Variants in U2AF2 observed in about 807,000 individuals in gnomAD.
The protein encoded by U2AF2 is splicing factor U2AF 65 kDa subunit.
U2AF2 carries 6 observed loss-of-function variants against 52.6 expected under a neutral mutation model. That is an observed-to-expected ratio of 0.11 (90% CI 0.06 to 0.23). U2AF2 has a LOEUF of 0.23. Ranked by LOEUF, U2AF2 falls within the 10% of genes least tolerant of loss-of-function variation. The probability of loss-of-function intolerance (pLI) is 1.00; values close to 1 mark genes in which losing one functional copy is unlikely to be tolerated. For missense variants in U2AF2, 222 were observed against 677.1 expected (o/e 0.33, Z 7.46); for synonymous variants, 284 against 258.2 (o/e 1.10, Z -0.96).
Position 55,668,884 on chromosome 19 carries a change from CG to C in U2AF2, c.945+95del. ...GGTCTCCCCTCCTCAGGGGACGGGG[CG>C]GGAGGCGGCCAACCTGAGGCAGTGC... On this transcript the variant is annotated intron_variant, in intron 9 of 11. Coordinates refer to ENST00000308924, the MANE Select transcript of U2AF2 (RefSeq NM_007279.3). The surrounding 1 kb of genome is among the most constrained non-coding windows in gnomAD (Gnocchi z 5.5). The C allele has an allele frequency of 6.5e-7, 1 of 1,544,250 alleles. No homozygotes were observed. Among genetic ancestry groups the C allele is most frequent in the Non-Finnish European group, 8.7e-7 (1 of 1,144,068 alleles).
intron 1 of U2AF2, 115 bp downstream of exon 1, chr19:55,655,268 A>C: frequency 2.5e-6 from 3 of 1,178,510 alleles, no homozygotes; most frequent in East Asian, 2.9e-5. Context: ...GGCGCCCCCC[A>C]ACCCTGGTTC....
rs890776922 is a variant in U2AF2 at position 55,668,317 on chromosome 19, C to G, written c.743-190C>G. 6.6e-6 allele frequency among the ~76,000 whole-genome samples: 1 copy of G among 152,164 alleles called. No individual in the cohort carries two copies. The highest frequency in any genetic ancestry group is 2.4e-5 in the African/African-American group (1 of 41,442). On this transcript the variant is annotated intron_variant, in intron 7 of 11. Transcript: ENST00000308924. The surrounding 1 kb of genome is among the most constrained non-coding windows in gnomAD (Gnocchi z 5.5). ...ATGGTGCGTTCTCCCCGAGGAGCCT[C>G]TGTGTGCCACTGCCCAGGACCCTCA...
chr19:55,657,248 T>C (rs1415248316), intron 1 of U2AF2, among the ~76,000 whole-genome samples: 2 of 152,204 alleles, frequency 1.3e-5, no homozygotes, highest in African/African-American at 2.4e-5. Flanking sequence ...ATGACCACAA[T>C]ACAGTGTTTT....
intron 1 of U2AF2, 75 bp downstream of exon 1, chr19:55,655,228 C>G: frequency 4.0e-6 from 6 of 1,501,158 alleles, no homozygotes; most frequent in Non-Finnish European, 5.4e-6. Context: ...GCCATTTTCT[C>G]CCTCGCTTCC....
Position 55,656,855 on chromosome 19 carries a change from G to T in U2AF2, c.49+1702G>T, listed in dbSNP as rs567171436. On this transcript the variant is annotated intron_variant, in intron 1 of 11. Transcript: ENST00000308924. Reference sequence around the variant, plus strand: ...GATATTTGCAATTGTAAAATTCCATGCTTAGAGAGGAGGGTCTTCCGCTCA... The same window carrying T: ...GATATTTGCAATTGTAAAATTCCATTCTTAGAGAGGAGGGTCTTCCGCTCA... 6.6e-5 allele frequency among the ~76,000 whole-genome samples: 10 copies of T among 152,348 alleles called. No individual in the cohort carries two copies. In the Middle Eastern group the frequency reaches 0.017, roughly 259 times the overall value.
rs371781934 is a variant in U2AF2 at position 55,657,401 on chromosome 19, C to T, written c.50-1809C>T. On this transcript the variant is annotated intron_variant, in intron 1 of 11. Transcript: ENST00000308924. ...GACGGGCCAGCTTCTGTACGTGTCG[C>T]CTTCTGCTTCAGTCCTTTCCTCTGC... 8.5e-5 allele frequency among the ~76,000 whole-genome samples: 13 copies of T among 152,300 alleles called. No homozygotes were observed. The East Asian group carries it at 9.6e-4, about 11-fold the overall frequency.
At chr19:55,669,320 C>T (rs905603041) in intron 10 of U2AF2, 124 bp from the exon 11 acceptor site, 76 of 1,543,670 alleles carry the variant, frequency 4.9e-5, no homozygotes, top group Non-Finnish European at 5.9e-5. Context: ...GGGAGTCGGG[C>T]TTTAGGTGTT....
chr19:55,656,528 C>T (rs1568547100), intron 1 of U2AF2, among the ~76,000 whole-genome samples: 1 of 152,158 alleles, frequency 6.6e-6, no homozygotes, highest in Non-Finnish European at 1.5e-5. Context: ...TTATTATTTT[C>T]TTGTTACCGG....
At chr19:55,662,022 G>A in intron 5 of U2AF2, 1 of 161,012 alleles carries the variant, frequency 6.2e-6, no homozygotes, top group Non-Finnish European at 1.4e-5. Context: ...TCTCTGTCCT[G>A]CTCTCCCTTT....
chr19:55,662,748 C>T (rs1481669015), intron 6 of U2AF2, 130 bp downstream of exon 6: 12 of 760,322 alleles, frequency 1.6e-5, no homozygotes, highest in African/African-American at 5.2e-5. Flanking sequence ...TCCACCCGGT[C>T]GCTGAAGTGA....
chr19:55,655,714 C>T (rs1022659382), intron 1 of U2AF2, among the ~76,000 whole-genome samples: 2 of 152,234 alleles, frequency 1.3e-5, no homozygotes, highest in Admixed American at 1.3e-4. Context: ...TACCCCTTTT[C>T]CTTTTTGCTG....
chr19:55,657,788 G>C (rs1983889424), intron 1 of U2AF2, among the ~76,000 whole-genome samples: 1 of 152,164 alleles, frequency 6.6e-6, no homozygotes, highest in South Asian at 2.1e-4. Flanking sequence ...TTAACTCACT[G>C]ATGTCAGAGT....
chr19:55,663,953 CCTG>C (rs566342193), intron 7 of U2AF2: 63 of 651,078 alleles, frequency 9.7e-5, no homozygotes, highest in African/African-American at 8.6e-4. Context: ...TGAGCTGTCA[CCTG>C]CTGAGGACAC....
chr19:55,673,917 C>T lies in U2AF2; in HGVS notation c.1294-17C>T. 6.2e-7 allele frequency: 1 copy of T among 1,603,518 alleles called. No homozygotes were observed. The highest frequency in any genetic ancestry group is 8.5e-7 in the Non-Finnish European group (1 of 1,173,606). ...GCGTGAGCCTTGTTCACAAACCTGC[C>T]TCTCCTTTCCCCACAGATCTTTGTG... On this transcript the variant is annotated splice_polypyrimidine_tract_variant and intron_variant, in intron 11 of 11. Transcript: ENST00000308924.
intron 1 of U2AF2, among the ~76,000 whole-genome samples, chr19:55,658,175 C>T (rs1027893278): frequency 2.2e-4 from 33 of 152,118 alleles, no homozygotes; most frequent in Non-Finnish European, 3.7e-4. Flanking sequence ...CCAGGAGATG[C>T]GTGTTAACAT....
At chr19:55,664,791 T>G (rs189577959) in intron 7 of U2AF2, among the ~76,000 whole-genome samples, 1 of 152,086 alleles carries the variant, frequency 6.6e-6, no homozygotes, top group East Asian at 1.9e-4. Context: ...GATCTCGGCT[T>G]ACTGCATCCT....
At chr19:55,655,205 T>C (rs745432379) in intron 1 of U2AF2, 52 bp downstream of exon 1, 6 of 1,543,100 alleles carry the variant, frequency 3.9e-6, no homozygotes, top group Non-Finnish European at 5.3e-6. Flanking sequence ...CTCGCGTCGC[T>C]CTTTGCCCCC....
intron 7 of U2AF2, among the ~76,000 whole-genome samples, chr19:55,665,399 G>A (rs971909478): frequency 7.6e-6 from 1 of 131,902 alleles, no homozygotes; most frequent in South Asian, 2.7e-4. Context: ...AGGGATTGGC[G>A]CTGTCCTAAG....
chr19:55,674,078 G>A lies in U2AF2; in HGVS notation c.*10G>A, dbSNP rs758867639. ...CCGGGACTTCTGGTAGAGGCGGCTG[G>A]GGGAGGGTGGGGGCAGGGCTGGCTG... On this transcript the variant is annotated 3_prime_UTR_variant, in exon 12 of 12. Transcript: ENST00000308924. 2.2e-5 allele frequency: 35 copies of A among 1,600,474 alleles called. No homozygotes were observed. Among genetic ancestry groups the A allele is most frequent in the Non-Finnish European group, 2.9e-5 (34 of 1,173,310 alleles).
Sources: gnomAD v4.1 joint callset for allele counts (sites outside exome capture counted in the v4.1 genomes callset) on GRCh38, gnomAD v4.1.1 for gene constraint, Gnocchi (gnomAD v3.1) non-coding constraint, MANE v1.5 for transcripts, NCBI Gene and HGNC (gene_info 2026-07-23, HGNC 2026-07-21) for gene names.